Variants in DEPDC1B observed in about 807,000 individuals in gnomAD.
DEPDC1B encodes DEP domain containing 1B, also known as DEP domain-containing protein 1B.
Under a neutral mutation model 66.5 loss-of-function variants are expected in DEPDC1B, and 51 were observed. The ratio of observed to expected loss-of-function variants is 0.77; its 90% confidence interval spans 0.61 to 0.97. DEPDC1B has a LOEUF of 0.97. Ranked by LOEUF, DEPDC1B falls within the 50% of genes least tolerant of loss-of-function variation. DEPDC1B has a pLI of 0.00. For missense variants in DEPDC1B, 552 were observed against 637.1 expected (o/e 0.87, Z 1.44); for synonymous variants, 226 against 223.6 (o/e 1.01, Z -0.10).
Position 60,603,417 on chromosome 5 carries a change from G to A in DEPDC1B, c.1216C>T (p.Arg406Cys), listed in dbSNP as rs377727476. The A allele has an allele frequency of 1.3e-5, 20 of 1,589,728 alleles. No homozygotes were observed. Among genetic ancestry groups the A allele is most frequent in the Non-Finnish European group, 1.5e-5 (18 of 1,172,480 alleles). Residue 406 changes from arginine (R) to cysteine (C), a missense_variant, in exon 9 of 11, where the codon CGT becomes TGT. By Grantham distance (180) the Arg-to-Cys change is radical (BLOSUM62 -3). Coordinates refer to ENST00000265036, the MANE Select transcript of DEPDC1B (RefSeq NM_018369.3). Reference protein sequence around the residue: ...PLALQTSIEERVAHLRRVQIK... With the variant: ...PLALQTSIEECVAHLRRVQIK... Reference sequence around the variant, plus strand: ...TGGACTCTTCGTAGATGAGCCACACGCTCCTCTATAGAGGTCTGCAAGGCC... The same window carrying A: ...TGGACTCTTCGTAGATGAGCCACACACTCCTCTATAGAGGTCTGCAAGGCC...
chr5:60,605,180 G>A (rs1337272657), intron 8 of DEPDC1B, among the ~76,000 whole-genome samples: 2 of 152,148 alleles, frequency 1.3e-5, no homozygotes, highest in Non-Finnish European at 2.9e-5. Flanking sequence ...AATAGATGTT[G>A]GTCAAAGGGT....
chr5:60,634,705 T>A (rs574341477), intron 7 of DEPDC1B, among the ~76,000 whole-genome samples: 7 of 131,560 alleles, frequency 5.3e-5, no homozygotes, highest in Admixed American at 1.4e-4. Flanking sequence ...TAAATAAATA[T>A]AAAAATAAAT....
chr5:60,642,831 A>G lies in DEPDC1B; in HGVS notation c.738T>C (p.Ala246=). The change falls in exon 6 of 11, where the codon GCT becomes GCC. Residue 246 remains alanine (A), a synonymous_variant. Coordinates refer to ENST00000265036, the MANE Select transcript of DEPDC1B (RefSeq NM_018369.3). ...ACTTACAATTTGCCAAACACTTCAT[A>G]GCTGACAGCACCCAATGAGGAAGTT... ...SKELPHWVLS[A]MKCLANWPNC... 6.2e-7 allele frequency: 1 copy of G among 1,611,702 alleles called. No homozygotes were observed. The highest frequency in any genetic ancestry group is 8.5e-7 in the Non-Finnish European group (1 of 1,179,210).
At chr5:60,688,719 T>C (rs1754479579) in intron 1 of DEPDC1B, among the ~76,000 whole-genome samples, 1 of 152,182 alleles carries the variant, frequency 6.6e-6, no homozygotes, top group Non-Finnish European at 1.5e-5. Flanking sequence ...TATGTGGCTT[T>C]GGTGCAGTTA....
In DEPDC1B at chr5:60,614,958, T is replaced by C. The variant is rs536459789; in HGVS notation, c.899-9102A>G. ...GTCAGCCAAGATCATGTCACTGCAC[T>C]ACAGCCTGGGTGACAGAGCAAGACC... On this transcript the variant is annotated intron_variant, in intron 7 of 10. Coordinates refer to ENST00000265036, the MANE Select transcript of DEPDC1B (RefSeq NM_018369.3). Among the ~76,000 whole-genome samples the C allele has an allele frequency of 1.2e-4, 18 of 152,242 alleles. No individual in the cohort carries two copies. In the South Asian group the frequency reaches 3.5e-3, roughly 30 times the overall value.
At chr5:60,694,200 T>C (rs139286863) in intron 1 of DEPDC1B, among the ~76,000 whole-genome samples, 1 of 152,304 alleles carries the variant, frequency 6.6e-6, no homozygotes, top group East Asian at 1.9e-4. Flanking sequence ...GTGTCATTTA[T>C]TGTTGTTTGC....
At chr5:60,691,473 A>G (rs961031636) in intron 1 of DEPDC1B, among the ~76,000 whole-genome samples, 5 of 152,212 alleles carry the variant, frequency 3.3e-5, no homozygotes, top group African/African-American at 1.2e-4. Context: ...TAATCTTTCT[A>G]CTTCTTTTGA....
intron 2 of DEPDC1B, among the ~76,000 whole-genome samples, chr5:60,680,181 T>G (rs1263782559): frequency 6.6e-6 from 1 of 152,238 alleles, no homozygotes; most frequent in Non-Finnish European, 1.5e-5. Context: ...CAACAGCACC[T>G]GGTTCAACCA....
Position 60,645,421 on chromosome 5 carries a change from CAG to C in DEPDC1B, c.578+69_578+70del, listed in dbSNP as rs1389258785. On this transcript the variant is annotated intron_variant, in intron 4 of 10. Coordinates refer to ENST00000265036, the MANE Select transcript of DEPDC1B (RefSeq NM_018369.3). Reference sequence around the variant, plus strand: ...ACATAATTTCAGAAAATTAAATATGCAGAGAGTGAAGAAGTAGCAAAATAGGA... The same window carrying C: ...ACATAATTTCAGAAAATTAAATATGCAGAGTGAAGAAGTAGCAAAATAGGA... 1.2e-5 allele frequency: 17 copies of C among 1,375,664 alleles called. No individual in the cohort carries two copies. The Middle Eastern group carries it at 8.0e-4, about 65-fold the overall frequency. The allele number at this position is 1,375,664 out of a possible 1,614,324, so 85.2% of individuals were successfully genotyped here. A position where few individuals can be genotyped will look rare whatever the true frequency, so the allele number is the denominator to read the frequency against.
chr5:60,681,610 A>AT, intron 2 of DEPDC1B, among the ~76,000 whole-genome samples: 1 of 152,232 alleles, frequency 6.6e-6, no homozygotes. Flanking sequence ...GCAAGGAAAC[A>AT]TGAAACCTCC....
intron 2 of DEPDC1B, 172 bp from the exon 3 acceptor site, chr5:60,647,705 A>G (rs1369629936): frequency 3.7e-6 from 2 of 536,602 alleles, no homozygotes; most frequent in Admixed American, 8.4e-5. Context: ...TACCTGATAA[A>G]GAAAAGAAAG....
At chr5:60,696,800 C>T (rs555121660) in intron 1 of DEPDC1B, among the ~76,000 whole-genome samples, 1 of 152,082 alleles carries the variant, frequency 6.6e-6, no homozygotes, top group Non-Finnish European at 1.5e-5. Context: ...AACTATAAGA[C>T]ATACACCTAC....
chr5:60,621,881 G>C (rs1476821953), intron 7 of DEPDC1B, among the ~76,000 whole-genome samples: 1 of 152,004 alleles, frequency 6.6e-6, no homozygotes, highest in Non-Finnish European at 1.5e-5. Flanking sequence ...TTGGTGAATA[G>C]CAACTATGCT....
chr5:60,656,249 C>T (rs1207469861), intron 2 of DEPDC1B, among the ~76,000 whole-genome samples: 1 of 151,418 alleles, frequency 6.6e-6, no homozygotes, highest in Non-Finnish European at 1.5e-5. Context: ...CAAGCTCCGC[C>T]TCCTGGGTTC....
At chr5:60,615,391 T>C (rs1027598410) in intron 7 of DEPDC1B, among the ~76,000 whole-genome samples, 4 of 152,170 alleles carry the variant, frequency 2.6e-5, no homozygotes, top group African/African-American at 9.7e-5. Flanking sequence ...GAATTCCCTT[T>C]CCTAGTCAAA....
chr5:60,603,013 T>C (rs1314351155), intron 9 of DEPDC1B, among the ~76,000 whole-genome samples: 1 of 152,242 alleles, frequency 6.6e-6, no homozygotes, highest in Non-Finnish European at 1.5e-5. Context: ...TTATTTAAGT[T>C]CTTTGTGCCT....
chr5:60,696,998 T>C (rs1323242087), intron 1 of DEPDC1B, among the ~76,000 whole-genome samples: 1 of 152,212 alleles, frequency 6.6e-6, no homozygotes, highest in Non-Finnish European at 1.5e-5. Flanking sequence ...TCAGATTCAA[T>C]GAAAGCTGTA....
intron 3 of DEPDC1B, 54 bp from the exon 4 acceptor site, chr5:60,645,673 T>A: frequency 6.6e-7 from 1 of 1,524,136 alleles, no homozygotes; most frequent in Non-Finnish European, 8.9e-7. Flanking sequence ...AGAAAGACAG[T>A]GAATAAATAT....
intron 1 of DEPDC1B, among the ~76,000 whole-genome samples, chr5:60,696,317 C>T: frequency 6.6e-6 from 1 of 152,120 alleles, no homozygotes; most frequent in East Asian, 1.9e-4. Flanking sequence ...AGTCTCATTG[C>T]CCCTTTTAAA....
Sources: gnomAD v4.1 joint callset for allele counts (sites outside exome capture counted in the v4.1 genomes callset) on GRCh38, gnomAD v4.1.1 for gene constraint, MANE v1.5 for transcripts, NCBI Gene and HGNC (gene_info 2026-07-23, HGNC 2026-07-21) for gene names.